Variants in VPS13A observed in about 807,000 individuals in gnomAD.
The protein encoded by VPS13A is vacuolar protein sorting 13 homolog A.
A neutral mutation model predicts 390.9 loss-of-function variants in VPS13A; 264 were observed. That is an observed-to-expected ratio of 0.68 (90% confidence interval 0.61 to 0.75). The LOEUF (loss-of-function observed/expected upper bound fraction) is 0.75, where lower values mean the gene tolerates loss of function less well. VPS13A is among the 30% of genes least tolerant of loss of function. The pLI is 0.00. For missense variants in VPS13A, 3,409 were observed against 3,733.9 expected (o/e 0.91, Z 2.27); for synonymous variants, 1,231 against 1,227.1 (o/e 1.00, Z -0.07).
chr9:77,192,145 G>A (rs1423569706), intron 1 of VPS13A, among the ~76,000 whole-genome samples: 2 of 152,064 alleles, frequency 1.3e-5, no homozygotes, highest in African/African-American at 4.8e-5. Context: ...AGTCTGTTTT[G>A]TCTGAAATAA....
chr9:77,276,491 A>G (rs1378965748), intron 26 of VPS13A, among the ~76,000 whole-genome samples: 1 of 152,240 alleles, frequency 6.6e-6, no homozygotes, highest in Non-Finnish European at 1.5e-5. Context: ...ACACTTAATT[A>G]GTTTTCTATT....
chr9:77,303,956 G>T (rs1828549163), intron 34 of VPS13A, among the ~76,000 whole-genome samples: 1 of 152,042 alleles, frequency 6.6e-6, no homozygotes, highest in Non-Finnish European at 1.5e-5. Context: ...TATCTCAACT[G>T]CAAGAGGCTT....
At chr9:77,258,728 C>G (rs929795946) in intron 22 of VPS13A, among the ~76,000 whole-genome samples, 1 of 152,028 alleles carries the variant, frequency 6.6e-6, no homozygotes, top group African/African-American at 2.4e-5. Flanking sequence ...CTCTTTTCTA[C>G]TGTTTCTTGT....
chr9:77,205,336 T>C lies in VPS13A; in HGVS notation c.211T>C (p.Trp71Arg), dbSNP rs1825576123. 1 of 1,525,738 alleles carries C rather than the reference T, an allele frequency of 6.6e-7. No individual in the cohort carries two copies. Among genetic ancestry groups the C allele is most frequent in the African/African-American group, 1.4e-5 (1 of 71,738 alleles). 94.5% of individuals were successfully genotyped at this position (1,525,738 alleles called of 1,614,324 possible). ...AGGTAATCTTAAACTTATAATTCCA[T>C]GGAAAAACCTTTATACTCAACCTGT... ...HIGNLKLIIP[W>R]KNLYTQPVEA... Residue 71 changes from tryptophan (W) to arginine (R), a missense_variant, in exon 4 of 72, where the codon TGG becomes CGG. This residue lies in a region of VPS13A where 2,717 missense variants were observed against 2,917.4 expected (regional missense o/e 0.93). Coordinates refer to ENST00000360280, the MANE Select transcript of VPS13A (RefSeq NM_033305.3).
intron 1 of VPS13A, among the ~76,000 whole-genome samples, chr9:77,199,540 T>A (rs1047579299): frequency 1.3e-5 from 2 of 152,220 alleles, no homozygotes; most frequent in African/African-American, 4.8e-5. Flanking sequence ...TGGGAAGTTT[T>A]TATTTACGTA....
chr9:77,209,018 T>A (rs1036059743), intron 5 of VPS13A, among the ~76,000 whole-genome samples: 1 of 152,224 alleles, frequency 6.6e-6, no homozygotes, highest in East Asian at 1.9e-4. Flanking sequence ...TTCAACTGTT[T>A]TACACATCTA....
At chr9:77,344,090 A>G in intron 50 of VPS13A, 63 bp from the exon 51 acceptor site, 1 of 1,385,630 alleles carries the variant, frequency 7.2e-7, no homozygotes, top group Non-Finnish European at 1.0e-6. Flanking sequence ...GAATATTAAG[A>G]TGATTTATAT....
At chr9:77,328,555 T>C (rs12684657) in intron 45 of VPS13A, among the ~76,000 whole-genome samples, 29,978 of 152,180 alleles carry the variant, frequency 0.2, 3,798 homozygotes, top group East Asian at 0.4. Flanking sequence ...TTGTCTAGTT[T>C]GGAAATCTGT....
intron 17 of VPS13A, among the ~76,000 whole-genome samples, chr9:77,231,675 G>C (rs776490437): frequency 2.0e-5 from 3 of 151,920 alleles, no homozygotes; most frequent in Non-Finnish European, 2.9e-5. Context: ...TACATGATTT[G>C]CAAATATTTC....
intron 19 of VPS13A, among the ~76,000 whole-genome samples, chr9:77,243,682 A>G (rs1366790478): frequency 1.3e-5 from 2 of 152,340 alleles, no homozygotes; most frequent in East Asian, 1.9e-4. Context: ...AGCCTAATCT[A>G]TATGTCAGAC....
At chr9:77,305,151 G>A (rs1828657426) in intron 34 of VPS13A, among the ~76,000 whole-genome samples, 1 of 152,040 alleles carries the variant, frequency 6.6e-6, no homozygotes, top group Admixed American at 6.5e-5. Context: ...TGTTAGCCAG[G>A]ATGGTCTTGA....
chr9:77,323,713 T>G (rs1829865651), intron 45 of VPS13A, among the ~76,000 whole-genome samples: 1 of 152,136 alleles, frequency 6.6e-6, no homozygotes, highest in Non-Finnish European at 1.5e-5. Flanking sequence ...TTCCCCACTT[T>G]CCCATTCCCA....
chr9:77,318,733 G>A, intron 41 of VPS13A, 142 bp downstream of exon 41: 2 of 885,722 alleles, frequency 2.3e-6, no homozygotes, highest in Non-Finnish European at 3.4e-6. Flanking sequence ...AAAACTTTTA[G>A]AAAAAAGTTT....
chr9:77,416,145 A>G lies in VPS13A; in HGVS notation c.*139A>G. Reference sequence around the variant, plus strand: ...GGATGCTAAAAAACAAAAACAAACAAAAAAACAAAAACAAAAAAACAAAAC... The same window carrying G: ...GGATGCTAAAAAACAAAAACAAACAGAAAAACAAAAACAAAAAAACAAAAC... On this transcript the variant is annotated 3_prime_UTR_variant, in exon 72 of 72. Transcript: ENST00000360280. 2 of 1,050,220 alleles carry G rather than the reference A, an allele frequency of 1.9e-6. No individual in the cohort carries two copies. Among genetic ancestry groups the G allele is most frequent in the East Asian group, 4.9e-5 (2 of 40,802 alleles). 65.1% of individuals were successfully genotyped at this position (1,050,220 alleles called of 1,614,324 possible). A position where few individuals can be genotyped will look rare whatever the true frequency, so the allele number is the denominator to read the frequency against.
In VPS13A at chr9:77,414,713, C is replaced by T. The variant is rs564358499; in HGVS notation, c.9475-1243C>T. ...ATGTAACTAACCTGCACGTTGTGCA[C>T]ATGTACCCTAAAACTTGAAGTATAA... On this transcript the variant is annotated intron_variant, in intron 71 of 71. Coordinates refer to ENST00000360280, the MANE Select transcript of VPS13A (RefSeq NM_033305.3). Among the ~76,000 whole-genome samples the T allele has an allele frequency of 4.7e-5, 7 of 149,448 alleles. No homozygotes were observed. In the East Asian group the frequency reaches 1.4e-3, roughly 30 times the overall value.
intron 31 of VPS13A, among the ~76,000 whole-genome samples, chr9:77,290,089 A>T (rs1000277924): frequency 6.6e-6 from 1 of 151,896 alleles, no homozygotes; most frequent in Non-Finnish European, 1.5e-5. Context: ...GCACTTTCTC[A>T]TTTTTTATAA....
chr9:77,272,553 T>A (rs1184576053), intron 23 of VPS13A, among the ~76,000 whole-genome samples: 1 of 152,212 alleles, frequency 6.6e-6, no homozygotes, highest in Non-Finnish European at 1.5e-5. Context: ...ATTTAAACAT[T>A]GTTTTGTAAA....
chr9:77,403,194 A>G (rs766614492), intron 68 of VPS13A, 42 bp from the exon 69 acceptor site: 2 of 1,453,726 alleles, frequency 1.4e-6, no homozygotes, highest in South Asian at 1.1e-5. Context: ...ACAGTAGGAA[A>G]TACTATCAAT....
chr9:77,347,531 C>T (rs1364787305), intron 52 of VPS13A, among the ~76,000 whole-genome samples: 1 of 152,058 alleles, frequency 6.6e-6, no homozygotes. Flanking sequence ...GGCTGGAGTG[C>T]AGTGGTGCGA....
Sources: allele counts gnomAD v4.1 joint callset (sites outside exome capture counted in the v4.1 genomes callset), GRCh38; gene constraint gnomAD v4.1.1; regional missense constraint gnomAD v4.1.1; transcripts MANE v1.5; gene names NCBI Gene and HGNC (gene_info 2026-07-23, HGNC 2026-07-21).